The following ADGRL3 variants were observed in gnomAD, a reference collection of about 807,000 sequenced individuals.
ADGRL3 encodes adhesion G protein-coupled receptor L3.
Under a neutral mutation model 153.5 loss-of-function variants are expected in ADGRL3, and 62 were observed. The ratio of observed to expected loss-of-function variants is 0.40; its 90% CI spans 0.33 to 0.50. The LOEUF is 0.50. Ranked by LOEUF, ADGRL3 falls within the 20% of genes least tolerant of loss-of-function variation. ADGRL3 has a pLI of 0.47. For missense variants in ADGRL3, 1,641 were observed against 1,859.4 expected, an observed-to-expected ratio of 0.88 and a Z score of 2.16; for synonymous variants, 710 against 672.5, an observed-to-expected ratio of 1.06 and a Z score of -0.86.
At chr4:61,213,779 G>A (rs943805146) in intron 1 of ADGRL3, among the ~76,000 whole-genome samples, 7 of 152,104 alleles carry the variant, frequency 4.6e-5, no homozygotes, top group Non-Finnish European at 8.8e-5. Flanking sequence ...ACTTATTCAT[G>A]TGGGTTGTCA....
intron 1 of ADGRL3, among the ~76,000 whole-genome samples, chr4:61,351,908 G>A (rs954638999): frequency 1.3e-5 from 2 of 152,162 alleles, no homozygotes; most frequent in Non-Finnish European, 2.9e-5. Flanking sequence ...ATCAATTGAA[G>A]TGCAGTAATT....
intron 8 of ADGRL3, among the ~76,000 whole-genome samples, chr4:61,768,489 G>A (rs59461758): frequency 0.021 from 3,269 of 152,160 alleles, 89 homozygotes; most frequent in East Asian, 0.078. Context: ...GAACTGATGT[G>A]TAAAAGAATG....
chr4:62,077,119 C>T lies in ADGRL3; in HGVS notation c.*6211C>T, dbSNP rs553217902. ...GTGGGTTATCAAAGTACTCCATAAT[C>T]CAAATGCATCTAAAAGTATTCCAAA... On this transcript the variant is annotated 3_prime_UTR_variant, in exon 27 of 27. Transcript: ENST00000683033. The T allele has an allele frequency of 1.3e-5, 2 of 151,852 alleles. No individual in the cohort carries two copies. The highest frequency in any genetic ancestry group is 2.9e-5 in the Non-Finnish European group (2 of 67,884). 9.4% of individuals were successfully genotyped at this position (151,852 alleles called of 1,614,324 possible).
intron 9 of ADGRL3, among the ~76,000 whole-genome samples, chr4:61,817,878 G>A (rs1355631767): frequency 1.3e-5 from 2 of 152,094 alleles, no homozygotes; most frequent in African/African-American, 4.8e-5. Flanking sequence ...CTGCCCCCAT[G>A]ATTCAATTAT....
chr4:61,678,681 C>A (rs2095266475), intron 6 of ADGRL3, among the ~76,000 whole-genome samples: 1 of 151,740 alleles, frequency 6.6e-6, no homozygotes, highest in African/African-American at 2.4e-5. Context: ...TTACTGCCTG[C>A]CTTAGAAATA....
chr4:61,603,995 C>T (rs1308876034), intron 5 of ADGRL3, among the ~76,000 whole-genome samples: 1 of 152,094 alleles, frequency 6.6e-6, no homozygotes, highest in East Asian at 1.9e-4. Flanking sequence ...GATTGGAGAT[C>T]CTGCATGAGA....
chr4:61,814,246 AGAT>A (rs2097663551), intron 9 of ADGRL3, among the ~76,000 whole-genome samples: 1 of 151,516 alleles, frequency 6.6e-6, no homozygotes, highest in African/African-American at 2.4e-5. Flanking sequence ...TTTTACATTA[AGAT>A]GTCTTAATCT....
chr4:61,909,966 C>A (rs2098714879), intron 12 of ADGRL3, among the ~76,000 whole-genome samples: 2 of 151,932 alleles, frequency 1.3e-5, no homozygotes, highest in South Asian at 2.1e-4. Context: ...GATAATCTCT[C>A]TATATATATT....
At chr4:61,299,664 A>G (rs563661405) in intron 1 of ADGRL3, among the ~76,000 whole-genome samples, 1 of 152,244 alleles carries the variant, frequency 6.6e-6, no homozygotes, top group East Asian at 1.9e-4. Flanking sequence ...TAAAAATAAG[A>G]CGTTTATGTC....
At chr4:61,971,837 A>G (rs1233746529) in intron 17 of ADGRL3, among the ~76,000 whole-genome samples, 1 of 152,096 alleles carries the variant, frequency 6.6e-6, no homozygotes, top group Non-Finnish European at 1.5e-5. Context: ...TGACTTTTTA[A>G]TGATCGCCAT....
chr4:61,203,842 T>C (rs1735923988), intron 1 of ADGRL3, among the ~76,000 whole-genome samples: 1 of 152,252 alleles, frequency 6.6e-6, no homozygotes, highest in East Asian at 1.9e-4. Context: ...CAAAATAGGA[T>C]ACCAGATAAT....
chr4:61,985,375 T>G (rs1252306711), intron 19 of ADGRL3, among the ~76,000 whole-genome samples: 2 of 152,112 alleles, frequency 1.3e-5, no homozygotes, highest in South Asian at 2.1e-4. Context: ...GATGCTGATT[T>G]CTATTGAGTG....
intron 5 of ADGRL3, among the ~76,000 whole-genome samples, chr4:61,652,930 C>G (rs2094311694): frequency 6.6e-6 from 1 of 152,080 alleles, no homozygotes. Context: ...TCAATCCATG[C>G]TGCTATGCAC....
intron 2 of ADGRL3, among the ~76,000 whole-genome samples, chr4:61,486,341 A>G (rs1271871149): frequency 7.2e-5 from 11 of 152,128 alleles, no homozygotes; most frequent in Non-Finnish European, 1.6e-4. Flanking sequence ...TTTATATTTA[A>G]ATCAAATCCT....
intron 1 of ADGRL3, among the ~76,000 whole-genome samples, chr4:61,294,903 TCACACACA>T (rs3035670): frequency 0.044 from 5,771 of 131,004 alleles, 139 homozygotes; most frequent in Middle Eastern, 0.084. Flanking sequence ...ACACACACAC[TCACACACA>T]CACACACACA....
chr4:61,658,858 G>A (rs1378728710), intron 5 of ADGRL3, among the ~76,000 whole-genome samples: 2 of 152,140 alleles, frequency 1.3e-5, no homozygotes, highest in Admixed American at 6.6e-5. Context: ...TCCCAGGTTA[G>A]GGACCTGTGT....
chr4:61,301,478 A>C (rs996214898), intron 1 of ADGRL3, among the ~76,000 whole-genome samples: 1 of 152,218 alleles, frequency 6.6e-6, no homozygotes, highest in African/African-American at 2.4e-5. Flanking sequence ...AAATCAGGCT[A>C]TCCTAACTGT....
chr4:61,792,310 CTT>C (rs1278578774), intron 8 of ADGRL3, among the ~76,000 whole-genome samples: 1 of 152,114 alleles, frequency 6.6e-6, no homozygotes, highest in East Asian at 1.9e-4. Context: ...CCACCAATCT[CTT>C]TGCTAAAACA....
intron 15 of ADGRL3, among the ~76,000 whole-genome samples, chr4:61,938,379 C>T (rs977493558): frequency 1.3e-5 from 2 of 152,126 alleles, no homozygotes; most frequent in Non-Finnish European, 2.9e-5. Flanking sequence ...CTATGATTTG[C>T]TCAGTACTGT....
Sources: allele counts gnomAD v4.1 joint callset (sites outside exome capture counted in the v4.1 genomes callset), GRCh38; gene constraint gnomAD v4.1.1; transcripts MANE v1.5; gene names NCBI Gene and HGNC (gene_info 2026-07-23, HGNC 2026-07-21).